AGBL4: variants seen among roughly 807,000 people sequenced by gnomAD.
AGBL4 encodes cytosolic carboxypeptidase 6.
AGBL4 carries 58 observed loss-of-function variants against 66.4 expected under a neutral mutation model. That is an observed-to-expected ratio of 0.87 (90% CI 0.71 to 1.09). The LOEUF (loss-of-function observed/expected upper bound fraction) is 1.09, where lower values mean the gene tolerates loss of function less well. Ranked by LOEUF, AGBL4 falls within the 50% of genes least tolerant of loss-of-function variation. AGBL4 has a pLI of 0.00. For synonymous variants in AGBL4, 234 were observed against 222.9 expected, an observed-to-expected ratio of 1.05 and a Z score of -0.44; for missense variants, 579 against 631.0, an observed-to-expected ratio of 0.92 and a Z score of 0.88.
chr1:49,437,931 C>T (rs1023742878), intron 3 of AGBL4, among the ~76,000 whole-genome samples: 1 of 152,096 alleles, frequency 6.6e-6, no homozygotes, highest in African/African-American at 2.4e-5. Flanking sequence ...TTCCCATCCC[C>T]CATTTCTAAG....
chr1:49,548,921 T>G (rs1243834951), intron 3 of AGBL4, among the ~76,000 whole-genome samples: 1 of 152,180 alleles, frequency 6.6e-6, no homozygotes, highest in African/African-American at 2.4e-5. Context: ...CTTTTTTTGT[T>G]AGTAATTTTT....
chr1:49,848,701 G>T (rs909768674), intron 2 of AGBL4, among the ~76,000 whole-genome samples: 1 of 152,014 alleles, frequency 6.6e-6, no homozygotes, highest in Non-Finnish European at 1.5e-5. Context: ...TTATTTAGTC[G>T]GTACAATGTA....
chr1:49,317,614 A>G (rs1219645814), intron 3 of AGBL4, among the ~76,000 whole-genome samples: 5 of 151,834 alleles, frequency 3.3e-5, no homozygotes, highest in Non-Finnish European at 5.9e-5. Flanking sequence ...GCCTTTCTGG[A>G]CTTCTGTTCC....
At chr1:49,461,406 T>C (rs1646508468) in intron 3 of AGBL4, among the ~76,000 whole-genome samples, 2 of 151,430 alleles carry the variant, frequency 1.3e-5, no homozygotes, top group South Asian at 4.2e-4. Flanking sequence ...TTCCAGTGCA[T>C]TTTGCATTTC....
intron 4 of AGBL4, among the ~76,000 whole-genome samples, chr1:49,091,170 G>A (rs192370269): frequency 1.3e-5 from 2 of 152,118 alleles, no homozygotes; most frequent in Admixed American, 6.5e-5. Context: ...CTGGACCTAG[G>A]CCCTGGAAAA....
Position 49,290,383 on chromosome 1 carries a change from A to T in AGBL4, c.283-44519T>A, listed in dbSNP as rs115798787. Reference sequence around the variant, plus strand: ...TTTTAGATGACAGGAGACCAAACAAAATCACTGAAACATATTTAAAGCTTG... The same window carrying T: ...TTTTAGATGACAGGAGACCAAACAATATCACTGAAACATATTTAAAGCTTG... On this transcript the variant is annotated intron_variant, in intron 3 of 13. Transcript: ENST00000371839. 6.7e-3 allele frequency among the ~76,000 whole-genome samples: 1,025 copies of T among 152,290 alleles called. 3 individuals carry two copies. The highest frequency in any genetic ancestry group is 0.011 in the Admixed American group (172 of 15,300).
intron 6 of AGBL4, among the ~76,000 whole-genome samples, chr1:48,713,509 C>T (rs1211139833): frequency 2.0e-5 from 3 of 152,116 alleles, no homozygotes; most frequent in Non-Finnish European, 2.9e-5. Flanking sequence ...GAGGTTAGGG[C>T]CCATTGGGGT....
At chr1:48,907,960 A>G (rs1311226290) in intron 5 of AGBL4, among the ~76,000 whole-genome samples, 1 of 152,162 alleles carries the variant, frequency 6.6e-6, no homozygotes, top group African/African-American at 2.4e-5. Context: ...TTAAAAGAAC[A>G]GTATGTGAGT....
chr1:49,552,051 T>A (rs983633796), intron 3 of AGBL4, among the ~76,000 whole-genome samples: 1 of 152,040 alleles, frequency 6.6e-6, no homozygotes, highest in Non-Finnish European at 1.5e-5. Context: ...TATGGCTGCC[T>A]CTGCTAAGTC....
chr1:49,535,396 A>C (rs918180111), intron 3 of AGBL4, among the ~76,000 whole-genome samples: 1 of 148,380 alleles, frequency 6.7e-6, no homozygotes, highest in African/African-American at 2.4e-5. Context: ...AGATAAGATA[A>C]AAATAAAATG....
intron 5 of AGBL4, among the ~76,000 whole-genome samples, chr1:49,010,055 A>C (rs1662262188): frequency 6.6e-6 from 1 of 152,214 alleles, no homozygotes; most frequent in South Asian, 2.1e-4. Context: ...AAGGAAATAA[A>C]GGGTATTCAA....
At chr1:48,727,802 TG>T in intron 6 of AGBL4, 1 of 1,341,298 alleles carries the variant, frequency 7.5e-7, no homozygotes, top group African/African-American at 1.4e-5. Context: ...CCATGCACGG[TG>T]GGGTCTGATT....
At chr1:49,468,536 T>C (rs1448585527) in intron 3 of AGBL4, among the ~76,000 whole-genome samples, 1 of 151,872 alleles carries the variant, frequency 6.6e-6, no homozygotes, top group Non-Finnish European at 1.5e-5. Context: ...CTCATGTCAG[T>C]CCAGCTCTTA....
chr1:49,301,218 A>G (rs1644738932), intron 3 of AGBL4, among the ~76,000 whole-genome samples: 1 of 152,200 alleles, frequency 6.6e-6, no homozygotes, highest in Admixed American at 6.5e-5. Flanking sequence ...CTGTGGGACA[A>G]TTAGACCCTC....
At chr1:48,811,131 G>A (rs951001863) in intron 6 of AGBL4, among the ~76,000 whole-genome samples, 7 of 145,806 alleles carry the variant, frequency 4.8e-5, no homozygotes, top group African/African-American at 1.8e-4. Context: ...CACAATAGGT[G>A]TTCCTCTGGA....
chr1:48,925,834 GA>G (rs1420370944), intron 5 of AGBL4, among the ~76,000 whole-genome samples: 2 of 152,190 alleles, frequency 1.3e-5, no homozygotes, highest in Non-Finnish European at 2.9e-5. Context: ...AGCAGGCCAT[GA>G]GGTGTTATCC....
At chr1:48,627,062 G>T (rs1312090989) in intron 9 of AGBL4, among the ~76,000 whole-genome samples, 1 of 152,050 alleles carries the variant, frequency 6.6e-6, no homozygotes, top group African/African-American at 2.4e-5. Flanking sequence ...CACAAAGTGG[G>T]TTTACTCCTT....
intron 1 of AGBL4, among the ~76,000 whole-genome samples, chr1:49,927,635 A>G (rs1041151625): frequency 6.6e-6 from 1 of 152,042 alleles, no homozygotes; most frequent in African/African-American, 2.4e-5. Context: ...GGAAAGAGCC[A>G]AACCGTATCA....
chr1:49,914,091 C>A (rs985467803), intron 1 of AGBL4, among the ~76,000 whole-genome samples: 3 of 152,120 alleles, frequency 2.0e-5, no homozygotes, highest in African/African-American at 7.2e-5. Flanking sequence ...TATTTCCTGG[C>A]CACACCATTG....
Sources: allele counts gnomAD v4.1 joint callset (sites outside exome capture counted in the v4.1 genomes callset), GRCh38; gene constraint gnomAD v4.1.1; transcripts MANE v1.5; gene names NCBI Gene and HGNC (gene_info 2026-07-23, HGNC 2026-07-21).